The following CCDC85A variants were observed in gnomAD, a reference collection of about 807,000 sequenced individuals.
The protein encoded by CCDC85A is coiled-coil domain-containing protein 85A.
A neutral mutation model predicts 50.2 loss-of-function variants in CCDC85A; 38 were observed. That is an observed-to-expected ratio of 0.76 (90% confidence interval 0.58 to 0.99). The LOEUF (loss-of-function observed/expected upper bound fraction) is 0.99, where lower values mean the gene tolerates loss of function less well. Among genes scored for constraint, CCDC85A ranks in the 50% least tolerant of loss-of-function variants. CCDC85A has a pLI of 0.00. For missense variants in CCDC85A, 820 were observed against 742.0 expected (o/e 1.11, Z -1.22); for synonymous variants, 366 against 301.4 (o/e 1.21, Z -2.22).
chr2:56,281,157 C>T (rs1227134847), intron 2 of CCDC85A, among the ~76,000 whole-genome samples: 1 of 152,114 alleles, frequency 6.6e-6, no homozygotes, highest in Non-Finnish European at 1.5e-5. Context: ...TTAGTTTTAC[C>T]TGTTCTTGAG....
In CCDC85A at chr2:56,184,031, G is replaced by A. The variant is rs142674240; in HGVS notation, c.-594G>A. Reference sequence around the variant, plus strand: ...TGCAAATCGAAGGCTTTCCGGAGCAGCCTAGGAGCGGCCGCGGGCGCAGCG... The same window carrying A: ...TGCAAATCGAAGGCTTTCCGGAGCAACCTAGGAGCGGCCGCGGGCGCAGCG... On this transcript the variant is annotated 5_prime_UTR_variant, in exon 1 of 6. Transcript: ENST00000407595. 2.8e-3 allele frequency: 2,764 copies of A among 985,216 alleles called. 58 individuals are homozygous for A. In the African/African-American group the frequency reaches 0.044, roughly 16 times the overall value. 61.0% of individuals were successfully genotyped at this position (985,216 alleles called of 1,614,324 possible).
intron 2 of CCDC85A, among the ~76,000 whole-genome samples, chr2:56,210,477 T>C (rs1677137563): frequency 6.6e-6 from 1 of 152,024 alleles, no homozygotes; most frequent in Non-Finnish European, 1.5e-5. Context: ...AGCCTTTCAT[T>C]ATGTTCATAG....
At chr2:56,213,107 T>C (rs377614930) in intron 2 of CCDC85A, among the ~76,000 whole-genome samples, 2 of 151,976 alleles carry the variant, frequency 1.3e-5, no homozygotes, top group African/African-American at 4.8e-5. Flanking sequence ...AGAGGAGATA[T>C]AATATCCCAG....
chr2:56,213,330 A>AGAGT (rs1677256814), intron 2 of CCDC85A, among the ~76,000 whole-genome samples: 1 of 152,010 alleles, frequency 6.6e-6, no homozygotes, highest in East Asian at 1.9e-4. Context: ...GCCTGCTATT[A>AGAGT]GAGTGTTAGG....
At position 56,293,296 on chromosome 2, in the gene CCDC85A, C is replaced by T. The variant is rs144607261; in HGVS notation, c.1241-49583C>T. 2.3e-4 allele frequency among the ~76,000 whole-genome samples: 35 copies of T among 152,224 alleles called. 1 individual carries two copies. The East Asian group carries it at 2.9e-3, about 13-fold the overall frequency. ...CCATATGCAGAAAATTGAAACTGGA[C>T]GCCTTCCTTACACCATATACAAAAA... On this transcript the variant is annotated intron_variant, in intron 2 of 5. Transcript: ENST00000407595.
At chr2:56,265,978 T>C (rs1055764760) in intron 2 of CCDC85A, among the ~76,000 whole-genome samples, 1 of 152,162 alleles carries the variant, frequency 6.6e-6, no homozygotes, top group South Asian at 2.1e-4. Flanking sequence ...AGGTAGGAAA[T>C]TCTGTCATTT....
chr2:56,246,240 A>G (rs1004379653), intron 2 of CCDC85A, among the ~76,000 whole-genome samples: 1 of 152,146 alleles, frequency 6.6e-6, no homozygotes, highest in Non-Finnish European at 1.5e-5. Flanking sequence ...ATTTGTCTCT[A>G]ATGTTTGAGT....
chr2:56,325,887 C>G (rs995822772), intron 2 of CCDC85A, among the ~76,000 whole-genome samples: 10 of 152,046 alleles, frequency 6.6e-5, no homozygotes, highest in African/African-American at 2.4e-4. Flanking sequence ...TTGGCTGACT[C>G]TTGTTTATTT....
chr2:56,369,272 G>C (rs1479096488), intron 3 of CCDC85A, among the ~76,000 whole-genome samples: 1 of 152,084 alleles, frequency 6.6e-6, no homozygotes, highest in East Asian at 1.9e-4. Flanking sequence ...ATAAGGGAAA[G>C]ATAAACTATA....
chr2:56,201,079 CACACACACACACACACA>C lies in CCDC85A; in HGVS notation c.1240+7640_1240+7656del, dbSNP rs1437572664. On this transcript the variant is annotated intron_variant, in intron 2 of 5. Transcript: ENST00000407595. Reference sequence around the variant, plus strand: ...ATTTCAATTATTTCATCTCTCTCCACACACACACACACACACACACACACACACACACACACACACAC... The same window carrying C: ...ATTTCAATTATTTCATCTCTCTCCACCACACACACACACACACACACACAC... 4.4e-3 allele frequency among the ~76,000 whole-genome samples: 604 copies of C among 137,984 alleles called. 3 individuals are homozygous for C. Among genetic ancestry groups the C allele is most frequent in the African/African-American group, 7.9e-3 (284 of 36,106 alleles). 90.5% of individuals were successfully genotyped at this position (137,984 alleles called of 152,430 possible).
chr2:56,251,673 T>C (rs1669762345), intron 2 of CCDC85A, among the ~76,000 whole-genome samples: 1 of 152,122 alleles, frequency 6.6e-6, no homozygotes, highest in Non-Finnish European at 1.5e-5. Flanking sequence ...TTGCTGTTCC[T>C]GTTCTTATTA....
chr2:56,224,617 T>C (rs114727015), intron 2 of CCDC85A, among the ~76,000 whole-genome samples: 3,039 of 152,258 alleles, frequency 0.02, 47 homozygotes, highest in Middle Eastern at 0.037. Flanking sequence ...TGCCAATAGT[T>C]GCTATTGTTT....
intron 2 of CCDC85A, among the ~76,000 whole-genome samples, 189 bp from the exon 3 acceptor site, chr2:56,342,690 A>G (rs1177737098): frequency 6.6e-6 from 1 of 152,148 alleles, no homozygotes; most frequent in African/African-American, 2.4e-5. Context: ...ACGTTGTAAA[A>G]TTGTTCAAAA....
At chr2:56,272,987 C>T (rs772185125) in intron 2 of CCDC85A, among the ~76,000 whole-genome samples, 1 of 152,072 alleles carries the variant, frequency 6.6e-6, no homozygotes, top group Non-Finnish European at 1.5e-5. Flanking sequence ...GTTAAGATAA[C>T]CATACTGAAT....
chr2:56,333,627 C>A (rs1026349683), intron 2 of CCDC85A, among the ~76,000 whole-genome samples: 13 of 151,994 alleles, frequency 8.6e-5, no homozygotes, highest in Non-Finnish European at 1.9e-4. Flanking sequence ...GTGAAAATAG[C>A]ACTGGGGGAG....
intron 2 of CCDC85A, among the ~76,000 whole-genome samples, chr2:56,230,762 T>A (rs72801200): frequency 0.02 from 3,094 of 152,342 alleles, 51 homozygotes; most frequent in South Asian, 0.047. Flanking sequence ...TTTGACTTGT[T>A]TATCATCTGA....
Position 56,282,123 on chromosome 2 carries a change from TGA to T in CCDC85A, c.1241-60752_1241-60751del, listed in dbSNP as rs1671232399. On this transcript the variant is annotated intron_variant, in intron 2 of 5. Transcript: ENST00000407595. The stretch of plus-strand genomic sequence containing the variant: ...AGTTCCTAACATGTGAGGAAAATTT[TGA>T]GAGTTTTTTTTTTATGGATATCGAG... Among the ~76,000 whole-genome samples the T allele has an allele frequency of 2.6e-5, 4 of 152,296 alleles. No homozygotes were observed. In the South Asian group the frequency reaches 8.3e-4, roughly 32 times the overall value.
chr2:56,239,252 T>A (rs1348500931), intron 2 of CCDC85A, among the ~76,000 whole-genome samples: 1 of 152,104 alleles, frequency 6.6e-6, no homozygotes, highest in Non-Finnish European at 1.5e-5. Flanking sequence ...TTAAATGTCC[T>A]ATGCTCAAGG....
At chr2:56,347,235 T>A (rs1007883274) in intron 3 of CCDC85A, among the ~76,000 whole-genome samples, 1 of 152,174 alleles carries the variant, frequency 6.6e-6, no homozygotes, top group Non-Finnish European at 1.5e-5. Context: ...CAAGGTGTAT[T>A]GGGTTCACAG....
Sources: allele counts gnomAD v4.1 joint callset (sites outside exome capture counted in the v4.1 genomes callset), GRCh38; gene constraint gnomAD v4.1.1; transcripts MANE v1.5; gene names NCBI Gene and HGNC (gene_info 2026-07-23, HGNC 2026-07-21).